Variants in ADARB1 observed in about 807,000 individuals in gnomAD.
ADARB1 encodes the protein adenosine deaminase RNA specific B1, also known as double-stranded RNA-specific editase 1.
A neutral mutation model predicts 52.4 loss-of-function variants in ADARB1; 10 were observed. That is an observed-to-expected ratio of 0.19 (90% confidence interval 0.12 to 0.32). The LOEUF (loss-of-function observed/expected upper bound fraction) is 0.32. Ranked by LOEUF, ADARB1 falls within the 10% of genes least tolerant of loss-of-function variation. The pLI, the probability that ADARB1 is intolerant of heterozygous loss-of-function variation, is 1.00. For synonymous variants in ADARB1, 349 were observed against 371.1 expected (o/e 0.94, Z 0.68); for missense variants, 643 against 922.3 (o/e 0.70, Z 3.92).
In ADARB1 at chr21:45,157,494, T is replaced by G. The variant is rs2090724563; in HGVS notation, c.-47-14116T>G. Among the ~76,000 whole-genome samples the G allele has an allele frequency of 6.6e-6, 1 of 152,098 alleles. No individual in the cohort carries two copies. Among genetic ancestry groups the G allele is most frequent in the African/African-American group, 2.4e-5 (1 of 41,426 alleles). On this transcript the variant is annotated intron_variant, in intron 2 of 10. Transcript: ENST00000348831. This position sits in a 1 kb window ranked among gnomAD's most constrained non-coding sequence, Gnocchi z 4.1. ...TTTGCACTGTGAAGGACGGAGCAAC[T>G]TCACGAAGGCAGGGCCCTGTGAAGG...
At chr21:45,183,019 A>G (rs1291206481) in intron 6 of ADARB1, among the ~76,000 whole-genome samples, 2 of 152,216 alleles carry the variant, frequency 1.3e-5, no homozygotes, top group Admixed American at 1.3e-4. Context: ...TATAAATAGA[A>G]GTTCCCAAAC....
Position 45,204,859 on chromosome 21 carries a change from T to C in ADARB1, c.1747+123T>C. ...GCTATCAAAAGAACATCAGAGTCCT[T>C]CTAAAGAGACCCAAGGTGATGTTTC... On this transcript the variant is annotated intron_variant, in intron 9 of 10. Transcript: ENST00000348831. This position sits in a 1 kb window ranked among gnomAD's most constrained non-coding sequence, Gnocchi z 4.4. 1 of 1,083,992 alleles carries C rather than the reference T, an allele frequency of 9.2e-7. No homozygotes were observed. The highest frequency in any genetic ancestry group is 1.7e-5 in the South Asian group (1 of 57,894). 67.1% of individuals were successfully genotyped at this position (1,083,992 alleles called of 1,614,324 possible).
chr21:45,111,788 G>A (rs542206518), intron 1 of ADARB1, among the ~76,000 whole-genome samples: 1 of 152,146 alleles, frequency 6.6e-6, no homozygotes, highest in Non-Finnish European at 1.5e-5. Flanking sequence ...ATAGTTAGAC[G>A]GTTTCCAGTT....
intron 9 of ADARB1, among the ~76,000 whole-genome samples, chr21:45,213,167 G>C (rs1002497857): frequency 6.6e-6 from 1 of 152,192 alleles, no homozygotes; most frequent in Non-Finnish European, 1.5e-5. Flanking sequence ...CAGAATCTCA[G>C]AGGTAGGATT....
At chr21:45,159,747 C>T (rs924338002) in intron 2 of ADARB1, among the ~76,000 whole-genome samples, 2 of 152,138 alleles carry the variant, frequency 1.3e-5, no homozygotes, top group Admixed American at 6.5e-5. Flanking sequence ...TTGTTTTACC[C>T]TCTGGACAGC....
At chr21:45,169,458 T>C (rs150748058) in intron 2 of ADARB1, among the ~76,000 whole-genome samples, 1 of 152,198 alleles carries the variant, frequency 6.6e-6, no homozygotes, top group Non-Finnish European at 1.5e-5. Context: ...TGCCAATGCC[T>C]GCTGATGTTT....
Position 45,224,538 on chromosome 21 carries a change from CGGGGCGGCTGTTGGGGGG to C in ADARB1, c.*2342_*2359del, listed in dbSNP as rs2093025445. The C allele has an allele frequency of 1.2e-5, 12 of 1,009,054 alleles. No homozygotes were observed. Among genetic ancestry groups the C allele is most frequent in the Non-Finnish European group, 1.4e-5 (12 of 834,986 alleles). The allele number at this position is 1,009,054 out of a possible 1,614,324, so 62.5% of individuals were successfully genotyped here. A position where few individuals can be genotyped will look rare whatever the true frequency, so the allele number is the denominator to read the frequency against. On this transcript the variant is annotated 3_prime_UTR_variant, in exon 11 of 11. Transcript: ENST00000348831. ...GGAACTGGGTTCGGGGAGCCCTGGG[CGGGGCGGCTGTTGGGGGG>C]AACTGGGTTCGGGGTGCCCTGGGCA...
chr21:45,192,907 T>C (rs1019760883), intron 8 of ADARB1, among the ~76,000 whole-genome samples: 25 of 152,202 alleles, frequency 1.6e-4, no homozygotes, highest in Non-Finnish European at 2.4e-4. Flanking sequence ...TTGGGCTATC[T>C]ATATGTATTA....
chr21:45,089,185 A>G (rs1024864909), intron 1 of ADARB1, among the ~76,000 whole-genome samples: 1 of 152,220 alleles, frequency 6.6e-6, no homozygotes, highest in Admixed American at 6.5e-5. Flanking sequence ...CACAACATAC[A>G]GGTCTGTGAT....
In ADARB1 at chr21:45,223,952, C is replaced by A. The variant is rs1432671125; in HGVS notation, c.*1755C>A. 1 of 985,500 alleles carries A rather than the reference C, an allele frequency of 1.0e-6. No individual in the cohort carries two copies. Among genetic ancestry groups the A allele is most frequent in the South Asian group, 4.7e-5 (1 of 21,280 alleles). The allele number at this position is 985,500 out of a possible 1,614,324, so 61.0% of individuals were successfully genotyped here. ...CTCCACCGAAGAGGGTAGTTGTCTCCCTGAAGCAGTCACAGCAGGCGTCTC... is the reference window on the plus strand; with the variant it reads ...CTCCACCGAAGAGGGTAGTTGTCTCACTGAAGCAGTCACAGCAGGCGTCTC... On this transcript the variant is annotated 3_prime_UTR_variant, in exon 11 of 11. Coordinates refer to ENST00000348831, the MANE Select transcript of ADARB1 (RefSeq NM_001112.4).
intron 8 of ADARB1, among the ~76,000 whole-genome samples, chr21:45,190,594 T>C (rs1389481255): frequency 6.6e-6 from 1 of 151,932 alleles, no homozygotes; most frequent in African/African-American, 2.4e-5. Flanking sequence ...GTACTGGCTG[T>C]GTACAGAGAA....
At chr21:45,138,917 G>A (rs1433637534) in intron 2 of ADARB1, among the ~76,000 whole-genome samples, 1 of 142,148 alleles carries the variant, frequency 7.0e-6, no homozygotes, top group African/African-American at 2.5e-5. Context: ...TCAGTTTGTT[G>A]TCTTCTTTTT....
chr21:45,224,410 C>G lies in ADARB1; in HGVS notation c.*2213C>G. On this transcript the variant is annotated 3_prime_UTR_variant, in exon 11 of 11. Coordinates refer to ENST00000348831, the MANE Select transcript of ADARB1 (RefSeq NM_001112.4). Reference sequence around the variant, plus strand: ...CCTTTCCGGGGTGGACTCGTGCGGCCTTGAGGACAGGCACAGGGCACCCTA... The same window carrying G: ...CCTTTCCGGGGTGGACTCGTGCGGCGTTGAGGACAGGCACAGGGCACCCTA... 1.1e-6 allele frequency: 1 copy of G among 931,934 alleles called. No homozygotes were observed. Among genetic ancestry groups the G allele is most frequent in the Non-Finnish European group, 1.2e-6 (1 of 811,584 alleles). The allele number at this position is 931,934 out of a possible 1,614,324, so 57.7% of individuals were successfully genotyped here.
intron 1 of ADARB1, among the ~76,000 whole-genome samples, chr21:45,075,788 T>G (rs1299175676): frequency 1.3e-5 from 2 of 152,218 alleles, no homozygotes; most frequent in East Asian, 3.8e-4. Flanking sequence ...AGTTAATATT[T>G]TTGGTCAGCA....
intron 1 of ADARB1, among the ~76,000 whole-genome samples, chr21:45,109,152 C>T (rs1035608530): frequency 4.0e-5 from 6 of 151,138 alleles, no homozygotes; most frequent in East Asian, 3.9e-4. Context: ...TGTGTGCGCG[C>T]GTGTGCGTAT....
At chr21:45,155,915 T>TC in intron 2 of ADARB1, among the ~76,000 whole-genome samples, 1 of 45,796 alleles carries the variant, frequency 2.2e-5, no homozygotes, top group Non-Finnish European at 3.9e-5. Context: ...CCATCATCCA[T>TC]CATCCACCCA....
intron 1 of ADARB1, among the ~76,000 whole-genome samples, chr21:45,105,744 G>C (rs183596739): frequency 6.6e-6 from 1 of 152,346 alleles, no homozygotes; most frequent in African/African-American, 2.4e-5. Flanking sequence ...TCAAGGACTG[G>C]CTTCCTTCGT....
Position 45,142,194 on chromosome 21 carries a change from C to T in ADARB1, c.-48+13621C>T, listed in dbSNP as rs1322681221. ...TTATGCTACTGCAGCTAATTAAGGTCGCTCAATTCAAGTGTCTCCTTTTTT... is the reference window on the plus strand; with the variant it reads ...TTATGCTACTGCAGCTAATTAAGGTTGCTCAATTCAAGTGTCTCCTTTTTT... On this transcript the variant is annotated intron_variant, in intron 2 of 10. Coordinates refer to ENST00000348831, the MANE Select transcript of ADARB1 (RefSeq NM_001112.4). This position sits in a 1 kb window ranked among gnomAD's most constrained non-coding sequence, Gnocchi z 4.0. Among the ~76,000 whole-genome samples the T allele has an allele frequency of 2.0e-5, 3 of 152,238 alleles. No homozygotes were observed. The highest frequency in any genetic ancestry group is 4.4e-5 in the Non-Finnish European group (3 of 68,046).
chr21:45,144,927 A>C (rs2089933404), intron 2 of ADARB1: 1 of 180,916 alleles, frequency 5.5e-6, no homozygotes, highest in East Asian at 1.5e-4. Context: ...TCATTTGATG[A>C]GGAAAAAACC....
Sources: allele counts gnomAD v4.1 joint callset (sites outside exome capture counted in the v4.1 genomes callset), GRCh38; gene constraint gnomAD v4.1.1; non-coding constraint Gnocchi (gnomAD v3.1); transcripts MANE v1.5; gene names NCBI Gene and HGNC (gene_info 2026-07-23, HGNC 2026-07-21).